Variants in PTCSC3 observed in about 807,000 individuals in gnomAD.
The protein encoded by PTCSC3 is papillary thyroid carcinoma susceptibility candidate 3 (non-protein coding).
intron 1 of PTCSC3, among the ~76,000 whole-genome samples, chr14:36,170,875 G>A (rs1400415194): frequency 6.6e-6 from 1 of 152,120 alleles, no homozygotes; most frequent in Non-Finnish European, 1.5e-5. Flanking sequence ...TTGCCAGTGT[G>A]TGAAGTACTG....
chr14:36,154,222 A>T (rs12436687), intron 2 of PTCSC3, among the ~76,000 whole-genome samples: 2,757 of 152,294 alleles, frequency 0.018, 75 homozygotes, highest in African/African-American at 0.06. Flanking sequence ...AACGAGTGGG[A>T]GGGGACACCA....
intron 1 of PTCSC3, chr14:36,165,175 G>C (rs954463307): frequency 6.6e-6 from 1 of 152,220 alleles, no homozygotes; most frequent in Admixed American, 6.5e-5. Flanking sequence ...CCCACGTGCA[G>C]TCAGAAGACT....
chr14:36,154,086 G>C (rs1443097700), intron 2 of PTCSC3, among the ~76,000 whole-genome samples: 1 of 150,570 alleles, frequency 6.6e-6, no homozygotes, highest in Non-Finnish European at 1.5e-5. Context: ...AAAAACTACT[G>C]CTACAATATT....
At chr14:36,156,353 G>A (rs552342803) in intron 2 of PTCSC3, among the ~76,000 whole-genome samples, 2 of 152,288 alleles carry the variant, frequency 1.3e-5, no homozygotes, top group East Asian at 3.9e-4. Flanking sequence ...ATCAAACAGT[G>A]GGTCTTAGGG....
At chr14:36,141,914 T>C (rs1881430793) in intron 3 of PTCSC3, among the ~76,000 whole-genome samples, 9 of 152,218 alleles carry the variant, frequency 5.9e-5, no homozygotes, top group Admixed American at 5.9e-4. Flanking sequence ...TTTGTCGTAA[T>C]TGCTTATTAA....
chr14:36,160,899 T>A (rs988917278), intron 2 of PTCSC3, among the ~76,000 whole-genome samples: 3 of 152,220 alleles, frequency 2.0e-5, no homozygotes, highest in African/African-American at 7.2e-5. Context: ...TAGTCCCATA[T>A]TTCTTGGAGG....
intron 3 of PTCSC3, among the ~76,000 whole-genome samples, chr14:36,137,624 G>A (rs1025516457): frequency 3.9e-5 from 6 of 152,278 alleles, no homozygotes; most frequent in Admixed American, 3.9e-4. Flanking sequence ...CAGGAGATTT[G>A]CTATTGGATT....
chr14:36,173,973 A>G (rs1882235707), intron 1 of PTCSC3, among the ~76,000 whole-genome samples: 1 of 151,978 alleles, frequency 6.6e-6, no homozygotes, highest in African/African-American at 2.4e-5. Flanking sequence ...GTCCCATTGT[A>G]TATAAAGTAC....
intron 3 of PTCSC3, among the ~76,000 whole-genome samples, chr14:36,146,092 A>G (rs2139092751): frequency 6.7e-6 from 1 of 148,670 alleles, no homozygotes; most frequent in East Asian, 2.0e-4. Flanking sequence ...GTATGTGGTC[A>G]ATTTTGGAAT....
intron 3 of PTCSC3, among the ~76,000 whole-genome samples, chr14:36,142,618 T>C (rs1881449477): frequency 6.6e-6 from 1 of 152,206 alleles, no homozygotes; most frequent in Non-Finnish European, 1.5e-5. Flanking sequence ...CCTGGTGCTT[T>C]GTGTTTTGGA....
At chr14:36,160,986 G>C (rs1881943957) in intron 2 of PTCSC3, among the ~76,000 whole-genome samples, 1 of 151,926 alleles carries the variant, frequency 6.6e-6, no homozygotes, top group African/African-American at 2.4e-5. Context: ...TCTTCAATCT[G>C]TGATATCTTT....
intron 2 of PTCSC3, among the ~76,000 whole-genome samples, chr14:36,155,419 A>G (rs951747308): frequency 6.6e-6 from 1 of 152,242 alleles, no homozygotes; most frequent in South Asian, 2.1e-4. Context: ...AAGAGTTCAC[A>G]AGTGGTTCTT....
intron 2 of PTCSC3, among the ~76,000 whole-genome samples, chr14:36,154,218 T>G (rs374550160): frequency 8.6e-5 from 13 of 151,866 alleles, no homozygotes; most frequent in East Asian, 5.8e-4. Flanking sequence ...AGATAACGAG[T>G]GGGAGGGGAC....
chr14:36,147,094 C>T (rs1157418638), intron 3 of PTCSC3, among the ~76,000 whole-genome samples: 1 of 152,158 alleles, frequency 6.6e-6, no homozygotes, highest in Non-Finnish European at 1.5e-5. Flanking sequence ...CTGCCCTTAA[C>T]ATTTTTTCCT....
At chr14:36,157,655 TC>T (rs1881858872) in intron 2 of PTCSC3, among the ~76,000 whole-genome samples, 1 of 151,864 alleles carries the variant, frequency 6.6e-6, no homozygotes. Flanking sequence ...GGGAATCCTT[TC>T]CCCATTGCTT....
Position 36,154,369 on chromosome 14 carries a change from A to G in PTCSC3, n.232-475T>C, listed in dbSNP as rs1881786557. Among the ~76,000 whole-genome samples the G allele has an allele frequency of 2.0e-5, 3 of 152,180 alleles. 1 individual carries two copies. The South Asian group carries it at 6.2e-4, about 32-fold the overall frequency. Reference sequence around the variant, plus strand: ...AAAAACAGGTTATATAATAATACGTACCCTCCAAAATTATGCACACATTAT... The same window carrying G: ...AAAAACAGGTTATATAATAATACGTGCCCTCCAAAATTATGCACACATTAT... On this transcript the variant is annotated intron_variant and non_coding_transcript_variant, in intron 2 of 3. Transcript: ENST00000556013.
chr14:36,158,838 C>T (rs954247035), intron 2 of PTCSC3, among the ~76,000 whole-genome samples: 2 of 152,142 alleles, frequency 1.3e-5, no homozygotes, highest in Admixed American at 6.5e-5. Flanking sequence ...GTACAAGCAC[C>T]TCCTTGTTCC....
intron 3 of PTCSC3, among the ~76,000 whole-genome samples, chr14:36,146,605 A>G (rs1881575653): frequency 3.3e-5 from 5 of 152,058 alleles, no homozygotes; most frequent in Admixed American, 3.3e-4. Flanking sequence ...ATGGGTCTTG[A>G]CTCTTTATCC....
At chr14:36,142,263 C>T (rs577438921) in intron 3 of PTCSC3, among the ~76,000 whole-genome samples, 1 of 152,222 alleles carries the variant, frequency 6.6e-6, no homozygotes, top group South Asian at 2.1e-4. Flanking sequence ...GCTTTTGCTG[C>T]ATTTATTGAT....
Sources: gnomAD v4.1 joint callset for allele counts (sites outside exome capture counted in the v4.1 genomes callset) on GRCh38, gnomAD v4.1.1 for gene constraint, MANE v1.5 for transcripts, NCBI Gene and HGNC (gene_info 2026-07-23, HGNC 2026-07-21) for gene names.